IQSEC1: variants seen among roughly 807,000 people sequenced by gnomAD.
The protein encoded by IQSEC1 is IQ motif and SEC7 domain-containing protein 1.
In IQSEC1, 31 loss-of-function variants were observed where a neutral mutation model predicts 91.0. That is an observed-to-expected ratio of 0.34 (90% CI 0.26 to 0.46). The LOEUF is 0.46. Among genes scored for constraint, IQSEC1 ranks in the 20% least tolerant of loss-of-function variants. The pLI, the probability that IQSEC1 is intolerant of heterozygous loss-of-function variation, is 1.00. For missense variants in IQSEC1, 1,388 were observed against 1,575.6 expected (o/e 0.88, Z 2.02); for synonymous variants, 699 against 662.6 (o/e 1.05, Z -0.84).
intron 1 of IQSEC1, chr3:13,047,590 T>C (rs1704548374): frequency 1.2e-6 from 1 of 839,452 alleles, no homozygotes; most frequent in South Asian, 5.6e-5. Flanking sequence ...TTGGGGGCCA[T>C]GTCCACTCAG....
At chr3:12,949,259 G>T (rs1352317625) in intron 1 of IQSEC1, among the ~76,000 whole-genome samples, 1 of 152,214 alleles carries the variant, frequency 6.6e-6, no homozygotes, top group Non-Finnish European at 1.5e-5. Flanking sequence ...GGGGTCCTGG[G>T]GTTGTGCACA....
chr3:12,909,126 T>C lies in IQSEC1; in HGVS notation c.2578+147A>G, dbSNP rs370825691. On this transcript the variant is annotated intron_variant, in intron 11 of 13. Coordinates refer to ENST00000613206, the MANE Select transcript of IQSEC1 (RefSeq NM_001134382.3). This position sits in a 1 kb window ranked among gnomAD's most constrained non-coding sequence, Gnocchi z 4.9. The stretch of plus-strand genomic sequence containing the variant: ...CCTCCTGCAGCCTGGGAACACAGAC[T>C]GCCCCATCATGTGGCCATAGGGAAG... 5.0e-5 allele frequency: 40 copies of C among 806,640 alleles called. 1 individual carries two copies. The highest frequency in any genetic ancestry group is 2.2e-4 in the East Asian group (9 of 40,614). The allele number at this position is 806,640 out of a possible 1,614,324, so 50.0% of individuals were successfully genotyped here.
chr3:13,154,321 C>T (rs1576274233), intron 2 of IQSEC1, among the ~76,000 whole-genome samples: 1 of 150,484 alleles, frequency 6.6e-6, no homozygotes. Context: ...CCTTCTGGAT[C>T]TTCCTCAGGC....
intron 2 of IQSEC1, among the ~76,000 whole-genome samples, chr3:13,092,075 A>G (rs1248247416): frequency 2.6e-5 from 4 of 152,004 alleles, no homozygotes; most frequent in Non-Finnish European, 4.4e-5. Flanking sequence ...GGGTCAAGCT[A>G]CCCTGCACTG....
At chr3:13,180,366 T>C (rs899192424) in intron 1 of IQSEC1, among the ~76,000 whole-genome samples, 1 of 152,058 alleles carries the variant, frequency 6.6e-6, no homozygotes, top group Non-Finnish European at 1.5e-5. Flanking sequence ...TGGAGAACCT[T>C]TGTGTCCACA....
intron 2 of IQSEC1, among the ~76,000 whole-genome samples, chr3:13,130,379 T>G (rs897797768): frequency 6.8e-6 from 1 of 146,304 alleles, no homozygotes; most frequent in Non-Finnish European, 1.5e-5. Flanking sequence ...AAGAAAGAAA[T>G]GTATTGTTTA....
At chr3:13,159,097 G>A (rs1236121133) in intron 2 of IQSEC1, among the ~76,000 whole-genome samples, 1 of 152,178 alleles carries the variant, frequency 6.6e-6, no homozygotes, top group Non-Finnish European at 1.5e-5. Context: ...GAGACCATAT[G>A]TTCAGGCAGC....
chr3:13,213,792 C>T (rs1303001475), intron 1 of IQSEC1, among the ~76,000 whole-genome samples: 3 of 152,142 alleles, frequency 2.0e-5, no homozygotes, highest in Admixed American at 2.0e-4. Context: ...AGAAAAGATG[C>T]TGCACATGGC....
chr3:13,275,776 G>T (rs1695667168), intron 1 of IQSEC1, among the ~76,000 whole-genome samples: 1 of 152,218 alleles, frequency 6.6e-6, no homozygotes, highest in Non-Finnish European at 1.5e-5. Context: ...GGCAGTGGGG[G>T]AGCGGCCCTA....
chr3:13,085,800 T>C (rs996340396), intron 2 of IQSEC1, among the ~76,000 whole-genome samples: 2 of 152,232 alleles, frequency 1.3e-5, no homozygotes, highest in Non-Finnish European at 2.9e-5. Context: ...CTGAGGGGCA[T>C]GTGGTTATCG....
chr3:13,012,625 T>C (rs1313191655), intron 1 of IQSEC1, among the ~76,000 whole-genome samples: 2 of 152,344 alleles, frequency 1.3e-5, no homozygotes, highest in African/African-American at 4.8e-5. Context: ...TCTGAGCACT[T>C]GCTACATGCC....
intron 1 of IQSEC1, among the ~76,000 whole-genome samples, chr3:13,031,852 C>T (rs1182365512): frequency 6.6e-6 from 1 of 152,088 alleles, no homozygotes; most frequent in Non-Finnish European, 1.5e-5. Context: ...GGGCTGACAC[C>T]TGAAGGACTA....
chr3:13,108,528 T>C (rs1280683208), intron 2 of IQSEC1, among the ~76,000 whole-genome samples: 1 of 151,944 alleles, frequency 6.6e-6, no homozygotes, highest in Non-Finnish European at 1.5e-5. Context: ...TTTAGCCACA[T>C]AGCACTCATG....
At position 13,258,270 on chromosome 3, in the gene IQSEC1, G is replaced by A. The variant is rs559147005; in HGVS notation, c.272+24441C>T. Among the ~76,000 whole-genome samples the A allele has an allele frequency of 2.6e-5, 4 of 152,350 alleles. 1 individual carries two copies. Among genetic ancestry groups the A allele is most frequent in the Admixed American group, 6.5e-5 (1 of 15,302 alleles). On this transcript the variant is annotated intron_variant, in intron 1 of 15. Transcript: ENST00000648114. ...AGATAATAATGGAGGGAACAGGGAC[G>A]GCAGGAGCATGGGAACTCACTGTAC...
At chr3:13,090,819 C>T (rs1006677611) in intron 2 of IQSEC1, among the ~76,000 whole-genome samples, 1 of 152,168 alleles carries the variant, frequency 6.6e-6, no homozygotes, top group Non-Finnish European at 1.5e-5. Context: ...TTTTAGACTT[C>T]GATCCTTGAG....
intron 1 of IQSEC1, among the ~76,000 whole-genome samples, chr3:13,230,757 A>G (rs1441123763): frequency 6.6e-6 from 1 of 152,252 alleles, no homozygotes; most frequent in Non-Finnish European, 1.5e-5. Flanking sequence ...CTTAACTATA[A>G]GAAAGATTTC....
intron 1 of IQSEC1, among the ~76,000 whole-genome samples, chr3:13,053,576 G>T (rs1452872514): frequency 6.6e-6 from 1 of 152,214 alleles, no homozygotes; most frequent in Non-Finnish European, 1.5e-5. Flanking sequence ...GGGAGACTCT[G>T]GGAGTCGGCT....
intron 1 of IQSEC1, among the ~76,000 whole-genome samples, chr3:13,219,026 A>G (rs887975437): frequency 2.6e-5 from 4 of 152,182 alleles, no homozygotes; most frequent in Admixed American, 6.5e-5. Flanking sequence ...GGTCCAGGCC[A>G]GCAGCAGCTT....
rs774578154 is a variant in IQSEC1 at position 12,941,597 on chromosome 3, G to A, written c.292C>T (p.Leu98Phe). The A allele has an allele frequency of 1.3e-6, 2 of 1,599,888 alleles. No homozygotes were observed. The highest frequency in any genetic ancestry group is 1.7e-6 in the Non-Finnish European group (2 of 1,171,772). ...RSRSLSESYE[L>F]SSDLQDKQVE... ...TGCTTGTCCTGCAGGTCCGAGGAGA[G>A]CTCATAGCTCTCGGAGAGTGAGCGT... is the stretch of plus-strand genomic sequence containing the variant. The change falls in exon 2 of 14, where the codon CTC (leucine) becomes TTC (phenylalanine). Residue 98 changes from leucine to phenylalanine, a missense_variant. Leu to Phe is a conservative substitution (Grantham distance 22, BLOSUM62 0). Transcript: ENST00000613206.
Sources: allele counts gnomAD v4.1 joint callset (sites outside exome capture counted in the v4.1 genomes callset), GRCh38; gene constraint gnomAD v4.1.1; non-coding constraint Gnocchi (gnomAD v3.1); transcripts MANE v1.5; gene names NCBI Gene and HGNC (gene_info 2026-07-23, HGNC 2026-07-21).